The following WSB2 variants were observed in gnomAD, a reference collection of about 807,000 sequenced individuals.
WSB2 encodes the protein WD repeat and SOCS box-containing protein 2.
Under a neutral mutation model 48.8 loss-of-function variants are expected in WSB2, and 12 were observed. The observed-to-expected ratio is 0.25, with a 90% confidence interval of 0.16 to 0.40. The LOEUF is 0.40. Among genes scored for constraint, WSB2 ranks in the 10% least tolerant of loss-of-function variants. WSB2 has a pLI of 1.00. For missense variants in WSB2, 317 were observed against 506.2 expected (o/e 0.63, Z 3.59); for synonymous variants, 191 against 203.1 (o/e 0.94, Z 0.51).
Position 118,061,018 on chromosome 12 carries a change from G to C in WSB2, c.13+18C>G. On this transcript the variant is annotated intron_variant, in intron 1 of 8. Coordinates refer to ENST00000315436, the MANE Select transcript of WSB2 (RefSeq NM_018639.5). ...AGGGCCCCGCCGGGCGGGAACGGGC[G>C]CGCCCGGCCCCACTCACCTCCGGCC... 1.0e-6 allele frequency: 1 copy of C among 981,776 alleles called. No homozygotes were observed. Among genetic ancestry groups the C allele is most frequent in the South Asian group, 4.6e-5 (1 of 21,964 alleles). 60.8% of individuals were successfully genotyped at this position (981,776 alleles called of 1,614,324 possible).
intron 1 of WSB2, 158 bp from the exon 2 acceptor site, chr12:118,052,636 G>C: frequency 9.2e-7 from 1 of 1,087,480 alleles, no homozygotes; most frequent in Non-Finnish European, 1.3e-6. Flanking sequence ...GCAGCCACAG[G>C]CCACATTCCA....
At chr12:118,057,070 G>A (rs772410424) in intron 1 of WSB2, among the ~76,000 whole-genome samples, 1 of 152,166 alleles carries the variant, frequency 6.6e-6, no homozygotes. Context: ...GGAGCTAAAA[G>A]AAGAACAAAC....
chr12:118,055,924 TA>T (rs1384434478), intron 1 of WSB2, among the ~76,000 whole-genome samples: 3 of 146,556 alleles, frequency 2.0e-5, no homozygotes, highest in African/African-American at 7.7e-5. Flanking sequence ...TTTTTTTTTT[TA>T]AATCTCCCAA....
intron 2 of WSB2, among the ~76,000 whole-genome samples, chr12:118,050,152 TC>T (rs2031822460): frequency 6.6e-6 from 1 of 151,320 alleles, no homozygotes; most frequent in African/African-American, 2.4e-5. Flanking sequence ...ACCATCGCAC[TC>T]CAGCCCGGGC....
Position 118,052,429 on chromosome 12 carries a change from A to T in WSB2, c.63T>A (p.Phe21Leu). The stretch of plus-strand genomic sequence containing the variant: ...AGGTTTCACAGCTGGACTTCCAATC[A>T]AACTGGTGGGGGCGCCCGGGCTTGA... ...AELKPGRPHQFDWKSSCETWS... is the reference protein window; with the variant it reads ...AELKPGRPHQLDWKSSCETWS... Residue 21 changes from phenylalanine to leucine, a missense_variant, in exon 2 of 9, where the codon TTT becomes TTA. Transcript: ENST00000315436. 1 of 1,614,158 alleles carries T rather than the reference A, an allele frequency of 6.2e-7. No individual in the cohort carries two copies. Among genetic ancestry groups the T allele is most frequent in the South Asian group, 1.1e-5 (1 of 91,084 alleles).
At chr12:118,053,551 C>T (rs1299838795) in intron 1 of WSB2, among the ~76,000 whole-genome samples, 1 of 152,074 alleles carries the variant, frequency 6.6e-6, no homozygotes. Context: ...GTTCCAACAC[C>T]CAGATCATTT....
Position 118,052,404 on chromosome 12 carries a change from A to G in WSB2, c.88T>C (p.Trp30Arg). Reference sequence around the variant, plus strand: ...CCATCTGGGGAGAAGGCGACGCTCCAGGTTTCACAGCTGGACTTCCAATCA... The same window carrying G: ...CCATCTGGGGAGAAGGCGACGCTCCGGGTTTCACAGCTGGACTTCCAATCA... ...QFDWKSSCETWSVAFSPDGSW... is the reference protein window; with the variant it reads ...QFDWKSSCETRSVAFSPDGSW... Residue 30 changes from tryptophan (W) to arginine (R), a missense_variant, in exon 2 of 9, where the codon TGG (tryptophan) becomes CGG (arginine). By Grantham distance (101) the Trp-to-Arg change is moderately radical. This residue lies in a region of WSB2 where 128 missense variants were observed against 156.7 expected (regional missense o/e 0.82). Coordinates refer to ENST00000315436, the MANE Select transcript of WSB2 (RefSeq NM_018639.5). The G allele has an allele frequency of 6.2e-7, 1 of 1,614,228 alleles. No homozygotes were observed. Among genetic ancestry groups the G allele is most frequent in the Non-Finnish European group, 8.5e-7 (1 of 1,180,038 alleles).
chr12:118,054,441 C>T (rs138748807), intron 1 of WSB2, among the ~76,000 whole-genome samples: 2,588 of 151,586 alleles, frequency 0.017, 35 homozygotes, highest in Non-Finnish European at 0.029. Context: ...GAGGCCAAGG[C>T]GGGCAGATCA....
chr12:118,058,992 C>T (rs1245399293), intron 1 of WSB2, among the ~76,000 whole-genome samples: 1 of 152,020 alleles, frequency 6.6e-6, no homozygotes, highest in Non-Finnish European at 1.5e-5. Flanking sequence ...CACCCCGGCG[C>T]ATTTGGTTGA....
rs750852854 is a variant in WSB2 at position 118,034,185 on chromosome 12, T to A, written c.*11A>T. ...TACCCTGCTACAAAGAAGCACAAGA[T>A]GTGGTGTTGCTTAAAAAGTCCTGTA... On this transcript the variant is annotated 3_prime_UTR_variant, in exon 9 of 9. Transcript: ENST00000315436. 6.2e-7 allele frequency: 1 copy of A among 1,614,034 alleles called. No individual in the cohort carries two copies. Among genetic ancestry groups the A allele is most frequent in the Non-Finnish European group, 8.5e-7 (1 of 1,179,950 alleles).
intron 2 of WSB2, among the ~76,000 whole-genome samples, chr12:118,045,258 GA>G (rs1260452202): frequency 7.3e-5 from 11 of 151,710 alleles, no homozygotes; most frequent in Non-Finnish European, 1.5e-4. Context: ...CAGCTACTCG[GA>G]GAGGCTGAGG....
intron 5 of WSB2, 43 bp from the exon 6 acceptor site, chr12:118,036,553 G>A (rs779367800): frequency 1.3e-6 from 2 of 1,560,364 alleles, no homozygotes; most frequent in Non-Finnish European, 1.7e-6. Flanking sequence ...GAAGCAAAGT[G>A]CTTAGGACTC....
chr12:118,034,520 A>G (rs2031454402), intron 8 of WSB2, among the ~76,000 whole-genome samples, 162 bp from the exon 9 acceptor site: 1 of 151,862 alleles, frequency 6.6e-6, no homozygotes, highest in African/African-American at 2.4e-5. Context: ...GGTGCTGAAT[A>G]ATTAAAGCTG....
upstream of WSB2, chr12:118,061,244 G>A: frequency 1.0e-6 from 1 of 956,764 alleles, no homozygotes; most frequent in Non-Finnish European, 1.2e-6. Context: ...AAACGGAGGG[G>A]GGGTGCGGAC....
chr12:118,032,875 T>G lies in WSB2; in HGVS notation c.*1321A>C, dbSNP rs2031395927. On this transcript the variant is annotated 3_prime_UTR_variant, in exon 9 of 9. Coordinates refer to ENST00000315436, the MANE Select transcript of WSB2 (RefSeq NM_018639.5). ...TTTTAAAAGGGGACTTTTTTTTTTCTTAATGGAAAAAAATGAAACAGAGAG... is the reference window on the plus strand; with the variant it reads ...TTTTAAAAGGGGACTTTTTTTTTTCGTAATGGAAAAAAATGAAACAGAGAG... 6.6e-6 allele frequency: 1 copy of G among 152,038 alleles called. No homozygotes were observed. The highest frequency in any genetic ancestry group is 2.4e-5 in the African/African-American group (1 of 41,418). 9.4% of individuals were successfully genotyped at this position (152,038 alleles called of 1,614,324 possible).
intron 2 of WSB2, among the ~76,000 whole-genome samples, chr12:118,048,542 G>A (rs1189783658): frequency 2.7e-5 from 4 of 149,256 alleles, no homozygotes; most frequent in Non-Finnish European, 5.9e-5. Context: ...GCCGAGATGC[G>A]CCACTACACT....
intron 1 of WSB2, among the ~76,000 whole-genome samples, chr12:118,053,620 G>A (rs370440793): frequency 3.3e-5 from 5 of 152,148 alleles, no homozygotes; most frequent in African/African-American, 1.2e-4. Context: ...GCACCAGATT[G>A]GAGCTTCTTC....
At chr12:118,055,159 G>A (rs2031932498) in intron 1 of WSB2, among the ~76,000 whole-genome samples, 1 of 152,108 alleles carries the variant, frequency 6.6e-6, no homozygotes, top group Non-Finnish European at 1.5e-5. Flanking sequence ...AATCACATGT[G>A]TATAGCTATT....
upstream of WSB2, chr12:118,061,283 G>A (rs1276826280): frequency 2.6e-6 from 2 of 758,694 alleles, no homozygotes; most frequent in Non-Finnish European, 1.6e-6. Flanking sequence ...GGCAGCTGAG[G>A]GAAAAGATGG....
Sources: gnomAD v4.1 joint callset for allele counts (sites outside exome capture counted in the v4.1 genomes callset) on GRCh38, gnomAD v4.1.1 for gene constraint, gnomAD v4.1.1 regional missense constraint, MANE v1.5 for transcripts, NCBI Gene and HGNC (gene_info 2026-07-23, HGNC 2026-07-21) for gene names.